Variants in BTNL8 observed in about 807,000 individuals in gnomAD.
BTNL8 encodes the protein butyrophilin like 8.
A neutral mutation model predicts 36.1 loss-of-function variants in BTNL8; 22 were observed. The observed-to-expected ratio is 0.61, with a 90% CI of 0.44 to 0.87. The LOEUF is 0.87. Among genes scored for constraint, BTNL8 ranks in the 40% least tolerant of loss-of-function variants. BTNL8 has a pLI of 0.00. For missense variants in BTNL8, 526 were observed against 616.9 expected (o/e 0.85, Z 1.56); for synonymous variants, 203 against 235.6 (o/e 0.86, Z 1.27).
intron 4 of BTNL8, 50 bp downstream of exon 4, chr5:180,947,675 A>T: frequency 6.2e-7 from 1 of 1,614,242 alleles, no homozygotes; most frequent in Non-Finnish European, 8.5e-7. Context: ...TGGTTCCAGC[A>T]GGGACAGGAT....
At chr5:180,908,355 C>T (rs995993926) in intron 1 of BTNL8, among the ~76,000 whole-genome samples, 8 of 152,216 alleles carry the variant, frequency 5.3e-5, no homozygotes, top group Non-Finnish European at 1.0e-4. Context: ...GGCAATGCCT[C>T]GCCCTGCTTC....
intron 7 of BTNL8, 162 bp downstream of exon 7, chr5:180,949,427 C>T: frequency 9.2e-7 from 1 of 1,082,614 alleles, no homozygotes; most frequent in South Asian, 1.4e-5. Flanking sequence ...TTCAGTGCCC[C>T]CAGACACACT....
At chr5:180,933,379 C>T (rs1435904980) in intron 3 of BTNL8, among the ~76,000 whole-genome samples, 4 of 152,120 alleles carry the variant, frequency 2.6e-5, no homozygotes, top group Non-Finnish European at 5.9e-5. Context: ...TGCACATTCT[C>T]CAGAACATAT....
At chr5:180,941,149 G>A (rs1021888051) in intron 3 of BTNL8, among the ~76,000 whole-genome samples, 2 of 150,932 alleles carry the variant, frequency 1.3e-5, no homozygotes, top group African/African-American at 4.9e-5. Flanking sequence ...AGGAAGGAAG[G>A]AAGGAGAGAA....
intron 3 of BTNL8, among the ~76,000 whole-genome samples, chr5:180,915,553 C>A (rs1186206451): frequency 2.6e-5 from 4 of 152,202 alleles, no homozygotes; most frequent in Non-Finnish European, 4.4e-5. Context: ...ATCTGAGAGA[C>A]TTCCAGAGTA....
chr5:180,936,927 C>T (rs1029403485), intron 3 of BTNL8, among the ~76,000 whole-genome samples: 1 of 152,224 alleles, frequency 6.6e-6, no homozygotes, highest in African/African-American at 2.4e-5. Flanking sequence ...GCATCTGCTC[C>T]CACCAGAAAT....
chr5:180,924,097 G>T (rs1354892654), intron 3 of BTNL8, among the ~76,000 whole-genome samples: 2 of 152,166 alleles, frequency 1.3e-5, no homozygotes, highest in Non-Finnish European at 1.5e-5. Context: ...ACCATACAGG[G>T]AGCATCTGGC....
intron 7 of BTNL8, 161 bp from the exon 8 acceptor site, chr5:180,949,743 G>T: frequency 1.1e-6 from 1 of 899,214 alleles, no homozygotes; most frequent in Non-Finnish European, 1.7e-6. Context: ...GGCTGCACTG[G>T]TGATGAGAGG....
At chr5:180,948,120 C>G in intron 4 of BTNL8, 1 of 685,552 alleles carries the variant, frequency 1.5e-6, no homozygotes, top group Non-Finnish European at 2.4e-6. Context: ...CCATCCCCAC[C>G]TCCACAGCAT....
intron 3 of BTNL8, among the ~76,000 whole-genome samples, chr5:180,918,859 C>T (rs985154896): frequency 1.3e-5 from 2 of 152,052 alleles, no homozygotes; most frequent in African/African-American, 4.8e-5. Context: ...AAAAGAGTGT[C>T]TAGATTAGGA....
rs183953829 is a variant in BTNL8 at position 180,943,230 on chromosome 5, G to A, written c.674-4282G>A. Reference sequence around the variant, plus strand: ...GCTCACTACAACCTCAGCTTCCTGGGTTCAAGTGATTCTCCTGCCTCAGCC... The same window carrying A: ...GCTCACTACAACCTCAGCTTCCTGGATTCAAGTGATTCTCCTGCCTCAGCC... On this transcript the variant is annotated intron_variant, in intron 3 of 7. Transcript: ENST00000340184. Among the ~76,000 whole-genome samples the A allele has an allele frequency of 2.6e-5, 4 of 151,056 alleles. No homozygotes were observed. In the East Asian group the frequency reaches 7.8e-4, roughly 29 times the overall value.
chr5:180,947,133 C>T (rs946699760), intron 3 of BTNL8, among the ~76,000 whole-genome samples: 3 of 152,254 alleles, frequency 2.0e-5, no homozygotes, highest in Admixed American at 6.5e-5. Flanking sequence ...AGACATATCC[C>T]GGAACTGTGG....
intron 3 of BTNL8, among the ~76,000 whole-genome samples, chr5:180,940,588 A>G (rs556895946): frequency 1.3e-5 from 2 of 152,306 alleles, no homozygotes; most frequent in African/African-American, 4.8e-5. Flanking sequence ...GACCAAAATT[A>G]TAAGACAAAA....
chr5:180,948,145 C>T (rs912180772), intron 4 of BTNL8: 3 of 757,662 alleles, frequency 4.0e-6, no homozygotes, highest in African/African-American at 3.5e-5. Context: ...GCTGTTGTCC[C>T]TCTCCTTAGC....
Position 180,935,083 on chromosome 5 carries a change from G to C in BTNL8, c.674-12429G>C, listed in dbSNP as rs561655839. On this transcript the variant is annotated intron_variant, in intron 3 of 7. Transcript: ENST00000340184. The surrounding 1 kb of genome is among the most constrained non-coding windows in gnomAD (Gnocchi z 4.8). The stretch of plus-strand genomic sequence containing the variant: ...TTCTCACTTCATAGTCCTGATGTCT[G>C]TCTGAGTCTAGGGGTTTTTATGGGC... Among the ~76,000 whole-genome samples the C allele has an allele frequency of 4.6e-5, 7 of 152,298 alleles. No individual in the cohort carries two copies. In the South Asian group the frequency reaches 1.5e-3, roughly 32 times the overall value.
In BTNL8 at chr5:180,950,532, G is replaced by A. The variant is rs752026984; in HGVS notation, c.1491G>A (p.Arg497=). The part of the protein sequence containing the change: ...SSQATTPFLP[R]GEM ...AGGCAACCACGCCCTTCCTCCCCAG[G>A]GGTGAAATGTAGGATGAATCACATC... The change falls in exon 8 of 8, where the codon AGG becomes AGA. Residue 497 remains arginine, a synonymous_variant. Coordinates refer to ENST00000340184, the MANE Select transcript of BTNL8 (RefSeq NM_001040462.3). The A allele has an allele frequency of 9.6e-6, 14 of 1,462,156 alleles. 4 individuals are homozygous for A. The highest frequency in any genetic ancestry group is 1.3e-5 in the Non-Finnish European group (14 of 1,058,990). 90.6% of individuals were successfully genotyped at this position (1,462,156 alleles called of 1,614,324 possible).
chr5:180,914,297 G>C (rs903867917), intron 3 of BTNL8, among the ~76,000 whole-genome samples: 9 of 152,270 alleles, frequency 5.9e-5, no homozygotes, highest in African/African-American at 2.2e-4. Flanking sequence ...AGGGGACACA[G>C]CAACAAGGTG....
chr5:180,947,661 T>C lies in BTNL8; in HGVS notation c.787+36T>C, dbSNP rs752373981. The C allele has an allele frequency of 1.9e-6, 3 of 1,614,196 alleles. No individual in the cohort carries two copies. The South Asian group carries it at 3.3e-5, about 18-fold the overall frequency. On this transcript the variant is annotated intron_variant, in intron 4 of 7. Coordinates refer to ENST00000340184, the MANE Select transcript of BTNL8 (RefSeq NM_001040462.3). ...GAGAGAAGCATGGGCCGGTGCCTTA[T>C]TCATGGTTCCAGCAGGGACAGGATC...
At chr5:180,941,306 G>A (rs1182029598) in intron 3 of BTNL8, among the ~76,000 whole-genome samples, 1 of 152,110 alleles carries the variant, frequency 6.6e-6, no homozygotes, top group African/African-American at 2.4e-5. Flanking sequence ...ATCAGCAGTA[G>A]GAAGTATCCC....
Sources: gnomAD v4.1 joint callset for allele counts (sites outside exome capture counted in the v4.1 genomes callset) on GRCh38, gnomAD v4.1.1 for gene constraint, Gnocchi (gnomAD v3.1) non-coding constraint, MANE v1.5 for transcripts, NCBI Gene and HGNC (gene_info 2026-07-23, HGNC 2026-07-21) for gene names.